The following RCAN1 variants were observed in gnomAD, a reference collection of about 807,000 sequenced individuals.
The protein encoded by RCAN1 is regulator of calcineurin 1, also known as calcipressin-1.
RCAN1 carries 11 observed loss-of-function variants against 22.9 expected under a neutral mutation model. The observed-to-expected ratio is 0.48, with a 90% CI of 0.30 to 0.79. The LOEUF is 0.79. Ranked by LOEUF, RCAN1 falls within the 30% of genes least tolerant of loss-of-function variation. The pLI, the probability that RCAN1 is intolerant of heterozygous loss-of-function variation, is 0.06. For synonymous variants in RCAN1, 136 were observed against 142.3 expected (o/e 0.96, Z 0.32); for missense variants, 291 against 337.8 (o/e 0.86, Z 1.09).
In RCAN1 at chr21:34,518,346, C is replaced by A; in HGVS notation, c.587-90G>T. The A allele has an allele frequency of 7.2e-7, 1 of 1,392,362 alleles. No homozygotes were observed. The highest frequency in any genetic ancestry group is 9.8e-7 in the Non-Finnish European group (1 of 1,021,734). 86.3% of individuals were successfully genotyped at this position (1,392,362 alleles called of 1,614,324 possible). The stretch of plus-strand genomic sequence containing the variant: ...AAAGAGCATTCAGGGCTCTGCTGGG[C>A]CAGCTGCTCGTGACCATTCGATTGG... On this transcript the variant is annotated intron_variant, in intron 3 of 3. Coordinates refer to ENST00000313806, the MANE Select transcript of RCAN1 (RefSeq NM_004414.7). The surrounding 1 kb of genome is among the most constrained non-coding windows in gnomAD (Gnocchi z 4.2).
At position 34,518,131 on chromosome 21, in the gene RCAN1, T is replaced by G; in HGVS notation, c.712A>C (p.Ile238Leu). Residue 238 changes from isoleucine (I) to leucine (L), a missense_variant, in exon 4 of 4, where the codon ATT becomes CTT. Ile to Leu is a conservative substitution (Grantham distance 5). Coordinates refer to ENST00000313806, the MANE Select transcript of RCAN1 (RefSeq NM_004414.7). This position sits in a 1 kb window ranked among gnomAD's most constrained non-coding sequence, Gnocchi z 4.2. ...TACTCCGGCCTCCTGGTCTGGATAA[T>G]TTTTGGCTTAGGTCTCCTCATTCTT... ...MERMRRPKPKIIQTRRPEYTP... is the reference protein window; with the variant it reads ...MERMRRPKPKLIQTRRPEYTP... The G allele has an allele frequency of 6.2e-7, 1 of 1,614,190 alleles. No individual in the cohort carries two copies. Among genetic ancestry groups the G allele is most frequent in the South Asian group, 1.1e-5 (1 of 91,090 alleles).
intron 1 of RCAN1, among the ~76,000 whole-genome samples, chr21:34,583,758 T>C (rs544483505): frequency 2.0e-5 from 3 of 152,278 alleles, no homozygotes; most frequent in Admixed American, 2.0e-4. Context: ...AGCACACTGA[T>C]AGAGATAGCC....
At chr21:34,555,663 C>A (rs2834534) in intron 1 of RCAN1, among the ~76,000 whole-genome samples, 36,452 of 151,482 alleles carry the variant, frequency 0.24, 5,121 homozygotes, top group African/African-American at 0.39. Flanking sequence ...ATGTACTGAT[C>A]ATTGTTGAGG....
chr21:34,525,389 C>T lies in RCAN1; in HGVS notation c.253-1679G>A, dbSNP rs1417295908. ...CCGCAGAGGCACGTGCGAAGGAACG[C>T]GGAGCTGGCGGACGGTAGAGTTCAT... On this transcript the variant is annotated intron_variant, in intron 1 of 3. Transcript: ENST00000313806. The T allele has an allele frequency of 4.1e-6, 6 of 1,446,866 alleles. No homozygotes were observed. In the East Asian group the frequency reaches 1.3e-4, roughly 30 times the overall value. 89.6% of individuals were successfully genotyped at this position (1,446,866 alleles called of 1,614,324 possible). A position where few individuals can be genotyped will look rare whatever the true frequency, so the allele number is the denominator to read the frequency against.
Position 34,614,516 on chromosome 21 carries a change from G to A in RCAN1, c.252+244C>T. 1 of 1,042,636 alleles carries A rather than the reference G, an allele frequency of 9.6e-7. No homozygotes were observed. Among genetic ancestry groups the A allele is most frequent in the Non-Finnish European group, 1.2e-6 (1 of 865,354 alleles). 64.6% of individuals were successfully genotyped at this position (1,042,636 alleles called of 1,614,324 possible). ...CGCACCAGCCTGGGCGCACACGGGGGCCGGGGCGAGCCTGTGGGACTCTGC... is the reference window on the plus strand; with the variant it reads ...CGCACCAGCCTGGGCGCACACGGGGACCGGGGCGAGCCTGTGGGACTCTGC... On this transcript the variant is annotated intron_variant, in intron 1 of 3. Coordinates refer to ENST00000313806, the MANE Select transcript of RCAN1 (RefSeq NM_004414.7). The surrounding 1 kb of genome is among the most constrained non-coding windows in gnomAD (Gnocchi z 6.0).
chr21:34,614,623 G>A lies in RCAN1; in HGVS notation c.252+137C>T. Reference sequence around the variant, plus strand: ...CCCACGCCCCAGCCCTGACGGGTCCGCGGCCGAGCAGCCCGGGGGACGTCG... The same window carrying A: ...CCCACGCCCCAGCCCTGACGGGTCCACGGCCGAGCAGCCCGGGGGACGTCG... On this transcript the variant is annotated intron_variant, in intron 1 of 3. Transcript: ENST00000313806. The surrounding 1 kb of genome is among the most constrained non-coding windows in gnomAD (Gnocchi z 6.0). 1 of 1,077,388 alleles carries A rather than the reference G, an allele frequency of 9.3e-7. No homozygotes were observed. Among genetic ancestry groups the A allele is most frequent in the Non-Finnish European group, 1.1e-6 (1 of 875,038 alleles). The allele number at this position is 1,077,388 out of a possible 1,614,324, so 66.7% of individuals were successfully genotyped here.
chr21:34,563,853 C>T (rs62211860), intron 1 of RCAN1, among the ~76,000 whole-genome samples: 1 of 137,062 alleles, frequency 7.3e-6, no homozygotes, highest in African/African-American at 2.7e-5. Context: ...ATAATCACAG[C>T]TACTCAGGAG....
At chr21:34,561,221 T>C (rs908555697) in intron 1 of RCAN1, among the ~76,000 whole-genome samples, 1 of 152,116 alleles carries the variant, frequency 6.6e-6, no homozygotes, top group Non-Finnish European at 1.5e-5. Flanking sequence ...TAAATTACCC[T>C]CTCTAGGGTA....
chr21:34,614,618 G>T lies in RCAN1; in HGVS notation c.252+142C>A. Reference sequence around the variant, plus strand: ...CCGTCCCCACGCCCCAGCCCTGACGGGTCCGCGGCCGAGCAGCCCGGGGGA... The same window carrying T: ...CCGTCCCCACGCCCCAGCCCTGACGTGTCCGCGGCCGAGCAGCCCGGGGGA... On this transcript the variant is annotated intron_variant, in intron 1 of 3. Coordinates refer to ENST00000313806, the MANE Select transcript of RCAN1 (RefSeq NM_004414.7). This position sits in a 1 kb window ranked among gnomAD's most constrained non-coding sequence, Gnocchi z 6.0. The T allele has an allele frequency of 9.4e-7, 1 of 1,064,658 alleles. No individual in the cohort carries two copies. Among genetic ancestry groups the T allele is most frequent in the Non-Finnish European group, 1.2e-6 (1 of 864,176 alleles). The allele number at this position is 1,064,658 out of a possible 1,614,324, so 66.0% of individuals were successfully genotyped here.
intron 1 of RCAN1, among the ~76,000 whole-genome samples, chr21:34,556,801 A>C (rs998377318): frequency 3.3e-5 from 5 of 152,250 alleles, no homozygotes; most frequent in Admixed American, 6.5e-5. Context: ...TAACAGAAGA[A>C]TACTGAGCCC....
At chr21:34,550,862 T>C (rs1267803943) in intron 1 of RCAN1, among the ~76,000 whole-genome samples, 1 of 152,198 alleles carries the variant, frequency 6.6e-6, no homozygotes, top group Non-Finnish European at 1.5e-5. Flanking sequence ...CAGTCCCCCA[T>C]ACTAAGGCAT....
intron 1 of RCAN1, among the ~76,000 whole-genome samples, chr21:34,548,525 T>C (rs2298346): frequency 0.24 from 36,707 of 152,152 alleles, 5,169 homozygotes; most frequent in African/African-American, 0.39. Flanking sequence ...AAGGCAGTAC[T>C]GCTGAGAATT....
intron 1 of RCAN1, among the ~76,000 whole-genome samples, chr21:34,550,924 T>C (rs561665446): frequency 1.3e-5 from 2 of 152,368 alleles, no homozygotes; most frequent in South Asian, 2.1e-4. Flanking sequence ...CTTTATCATA[T>C]AGCCGATAGA....
intron 1 of RCAN1, among the ~76,000 whole-genome samples, chr21:34,543,620 G>C (rs565955040): frequency 1.7e-3 from 255 of 152,354 alleles, no homozygotes; most frequent in Non-Finnish European, 2.9e-3. Flanking sequence ...TTTAAGACTG[G>C]AGAAAGGTAG....
At position 34,519,381 on chromosome 21, in the gene RCAN1, T is replaced by TTTTC. The variant is rs1164919554; in HGVS notation, c.587-1129_587-1126dup. On this transcript the variant is annotated intron_variant, in intron 3 of 3. Transcript: ENST00000313806. ...GGATTTCTTTTCTTTTCTTTTTTCT[T>TTTTC]TTTCTTTCTTTCTTTCTTTTTTTTT... Among the ~76,000 whole-genome samples, 720 of 146,322 alleles carry TTTTC rather than the reference T, an allele frequency of 4.9e-3. 17 individuals carry two copies. The East Asian group carries it at 0.071, about 14-fold the overall frequency.
intron 1 of RCAN1, among the ~76,000 whole-genome samples, chr21:34,585,502 C>G (rs572595702): frequency 1.2e-3 from 179 of 152,070 alleles, no homozygotes; most frequent in African/African-American, 4.1e-3. Flanking sequence ...CCAGCACTTT[C>G]GGAGGCCGAG....
intron 1 of RCAN1, among the ~76,000 whole-genome samples, chr21:34,603,063 T>C (rs749034307): frequency 1.4e-3 from 207 of 152,268 alleles, no homozygotes; most frequent in Non-Finnish European, 2.7e-3. Context: ...GTCTCTCCAC[T>C]TGAAAGGTTC....
At chr21:34,586,117 C>G (rs559599796) in intron 1 of RCAN1, among the ~76,000 whole-genome samples, 4 of 152,300 alleles carry the variant, frequency 2.6e-5, no homozygotes, top group Non-Finnish European at 5.9e-5. Flanking sequence ...ACACTTCTCT[C>G]AGCCACTGAT....
At chr21:34,599,907 A>G (rs928211194) in intron 1 of RCAN1, among the ~76,000 whole-genome samples, 5 of 152,204 alleles carry the variant, frequency 3.3e-5, no homozygotes, top group African/African-American at 9.6e-5. Flanking sequence ...CAGCATGACC[A>G]ATAGGTGTAG....
Sources: gnomAD v4.1 joint callset for allele counts (sites outside exome capture counted in the v4.1 genomes callset) on GRCh38, gnomAD v4.1.1 for gene constraint, Gnocchi (gnomAD v3.1) non-coding constraint, MANE v1.5 for transcripts, NCBI Gene and HGNC (gene_info 2026-07-23, HGNC 2026-07-21) for gene names.